ACOXL: variants seen among roughly 807,000 people sequenced by gnomAD.
ACOXL encodes acyl-CoA oxidase like.
Under a neutral mutation model 71.9 loss-of-function variants are expected in ACOXL, and 70 were observed. That is an observed-to-expected ratio of 0.97 (90% CI 0.80 to 1.19). The LOEUF (loss-of-function observed/expected upper bound fraction) is 1.19. Ranked by LOEUF, ACOXL falls within the 50% of genes most tolerant of loss-of-function variation. ACOXL has a pLI of 0.00. For missense variants in ACOXL, 703 were observed against 736.3 expected, an observed-to-expected ratio of 0.95 and a Z score of 0.52; for synonymous variants, 253 against 281.6, an observed-to-expected ratio of 0.90 and a Z score of 1.02.
intron 1 of ACOXL, 59 bp downstream of exon 1, chr2:110,732,833 T>A (rs1227868617): frequency 6.6e-6 from 1 of 152,218 alleles, no homozygotes; most frequent in Non-Finnish European, 1.5e-5. Context: ...GCGTGTCCCC[T>A]CGGTCCCCGG....
chr2:110,941,910 A>G (rs2060882125), intron 12 of ACOXL, among the ~76,000 whole-genome samples: 1 of 152,234 alleles, frequency 6.6e-6, no homozygotes, highest in African/African-American at 2.4e-5. Context: ...AAGCATACGG[A>G]TAAATACATG....
chr2:110,970,986 A>C (rs1352783816), intron 12 of ACOXL, among the ~76,000 whole-genome samples: 3 of 152,188 alleles, frequency 2.0e-5, no homozygotes, highest in Admixed American at 2.0e-4. Context: ...ATGAAAAATA[A>C]AATTTTTTAT....
intron 16 of ACOXL, among the ~76,000 whole-genome samples, chr2:111,086,574 G>A (rs1241332065): frequency 1.3e-5 from 2 of 152,148 alleles, no homozygotes; most frequent in African/African-American, 4.8e-5. Context: ...AGGGTTGGCT[G>A]TTGGTTTATT....
At chr2:110,763,099 A>T (rs1409094266) in intron 1 of ACOXL, among the ~76,000 whole-genome samples, 1 of 152,242 alleles carries the variant, frequency 6.6e-6, no homozygotes, top group Non-Finnish European at 1.5e-5. Flanking sequence ...TTCTATGTTC[A>T]TGGAGAGGAA....
chr2:110,853,246 C>T (rs555943918), intron 10 of ACOXL, among the ~76,000 whole-genome samples: 18 of 152,152 alleles, frequency 1.2e-4, no homozygotes, highest in Non-Finnish European at 1.9e-4. Context: ...CTGGCAGCTA[C>T]GGTGGAGAGG....
intron 16 of ACOXL, among the ~76,000 whole-genome samples, chr2:111,059,768 G>GAA (rs11385062): frequency 0.017 from 2,292 of 134,666 alleles, 65 homozygotes; most frequent in African/African-American, 0.059. Context: ...GCACACAAAG[G>GAA]AAAAAAAAAA....
chr2:111,031,790 G>C, intron 15 of ACOXL, 76 bp downstream of exon 15: 1 of 1,437,730 alleles, frequency 7.0e-7, no homozygotes, highest in Non-Finnish European at 9.8e-7. Flanking sequence ...CAGCTCTGCA[G>C]GGAAAGGACA....
intron 11 of ACOXL, among the ~76,000 whole-genome samples, chr2:110,927,608 C>G (rs1307891107): frequency 2.0e-5 from 3 of 152,326 alleles, no homozygotes; most frequent in Middle Eastern, 3.4e-3. Flanking sequence ...ATAAGGAGCC[C>G]CCATATAAGC....
At chr2:111,052,500 T>G (rs1260592623) in intron 16 of ACOXL, among the ~76,000 whole-genome samples, 1 of 152,044 alleles carries the variant, frequency 6.6e-6, no homozygotes, top group African/African-American at 2.4e-5. Flanking sequence ...CTGGCTTAAG[T>G]AACAGACCCT....
At chr2:110,833,518 A>G (rs540967626) in intron 9 of ACOXL, among the ~76,000 whole-genome samples, 5 of 152,166 alleles carry the variant, frequency 3.3e-5, no homozygotes, top group African/African-American at 9.6e-5. Context: ...TCAGGGGAGT[A>G]TCCTGCTTGT....
intron 12 of ACOXL, among the ~76,000 whole-genome samples, chr2:110,980,592 A>G (rs1224416052): frequency 6.6e-6 from 1 of 152,190 alleles, no homozygotes; most frequent in African/African-American, 2.4e-5. Flanking sequence ...CAGAAATTCT[A>G]ACAGGAAATC....
chr2:111,073,051 A>T (rs960951063), intron 16 of ACOXL, among the ~76,000 whole-genome samples: 2 of 152,190 alleles, frequency 1.3e-5, no homozygotes, highest in African/African-American at 4.8e-5. Context: ...TGCCATATGT[A>T]TCCCCTTTAG....
intron 2 of ACOXL, among the ~76,000 whole-genome samples, chr2:110,775,316 T>A (rs1403322707): frequency 6.6e-6 from 1 of 152,162 alleles, no homozygotes; most frequent in East Asian, 1.9e-4. Context: ...GTAGATACAT[T>A]TTTGGAATAA....
intron 17 of ACOXL, chr2:111,115,669 A>C (rs1343954727): frequency 6.6e-6 from 1 of 152,250 alleles, no homozygotes; most frequent in Non-Finnish European, 1.5e-5. Flanking sequence ...TGAGACAATA[A>C]TCATTCTGAG....
intron 14 of ACOXL, among the ~76,000 whole-genome samples, chr2:110,997,100 T>C (rs2063431091): frequency 6.6e-6 from 1 of 152,072 alleles, no homozygotes; most frequent in Non-Finnish European, 1.5e-5. Flanking sequence ...AAAGGAAAAA[T>C]GCTACAGCTG....
chr2:111,069,184 C>T (rs1258620222), intron 16 of ACOXL, among the ~76,000 whole-genome samples: 2 of 145,560 alleles, frequency 1.4e-5, no homozygotes, highest in African/African-American at 5.1e-5. Flanking sequence ...CAGAGTCTCT[C>T]TCTGTTGCCC....
intron 5 of ACOXL, among the ~76,000 whole-genome samples, chr2:110,796,704 A>G (rs908702026): frequency 6.6e-6 from 1 of 152,190 alleles, no homozygotes; most frequent in Non-Finnish European, 1.5e-5. Flanking sequence ...GCCTCAAGCA[A>G]TGCCTCTCCT....
At chr2:111,034,042 G>A (rs898414925) in intron 15 of ACOXL, among the ~76,000 whole-genome samples, 2 of 152,226 alleles carry the variant, frequency 1.3e-5, no homozygotes, top group African/African-American at 4.8e-5. Flanking sequence ...GTGGAGCTTA[G>A]TGAGGACTGA....
At chr2:110,915,012 A>C (rs1023179618) in intron 11 of ACOXL, among the ~76,000 whole-genome samples, 2 of 152,070 alleles carry the variant, frequency 1.3e-5, no homozygotes, top group Non-Finnish European at 2.9e-5. Context: ...ATCCAATGAC[A>C]CTCTTTTAGT....
Sources: allele counts gnomAD v4.1 joint callset (sites outside exome capture counted in the v4.1 genomes callset), GRCh38; gene constraint gnomAD v4.1.1; transcripts MANE v1.5; gene names NCBI Gene and HGNC (gene_info 2026-07-23, HGNC 2026-07-21).